The following PHKA2 variants were observed in gnomAD, a reference collection of about 807,000 sequenced individuals.
PHKA2 encodes phosphorylase b kinase regulatory subunit alpha, liver isoform.
A neutral mutation model predicts 102.0 loss-of-function variants in PHKA2; 31 were observed. The observed-to-expected ratio is 0.30, with a 90% confidence interval of 0.23 to 0.41. The LOEUF (loss-of-function observed/expected upper bound fraction) is 0.41, where lower values mean the gene tolerates loss of function less well. PHKA2 is among the 10% of genes least tolerant of loss of function. PHKA2 has a pLI of 1.00. For synonymous variants in PHKA2, 455 were observed against 416.2 expected, an observed-to-expected ratio of 1.09 and a Z score of -1.13; for missense variants, 858 against 1,023.1, an observed-to-expected ratio of 0.84 and a Z score of 2.20.
At chrX:18,895,087 C>A in intron 31 of PHKA2, 51 bp downstream of exon 31, 1 of 1,113,735 alleles carries the variant, frequency 9.0e-7, no homozygotes, top group Non-Finnish European at 1.2e-6. Flanking sequence ...GCAATGAAGC[C>A]CTTATTGTGA....
At chrX:18,917,964 C>T (rs1173239162) in intron 19 of PHKA2, among the ~76,000 whole-genome samples, 5 of 110,326 alleles carry the variant, frequency 4.5e-5, no homozygotes, top group African/African-American at 1.7e-4. Context: ...ATGTGCTCCA[C>T]CAAAACAGAA....
At chrX:18,903,040 A>G (rs1445329450) in intron 26 of PHKA2, 1 of 112,598 alleles carries the variant, frequency 8.9e-6, no homozygotes, top group African/African-American at 3.2e-5. Flanking sequence ...TTTAGTCATG[A>G]TTCTTCCAGT....
intron 31 of PHKA2, chrX:18,894,791 G>A: frequency 5.2e-6 from 2 of 381,249 alleles, no homozygotes; most frequent in Non-Finnish European, 9.3e-6. Context: ...GACGATTACT[G>A]TTTTTAGTTG....
chrX:18,924,148 G>A lies in PHKA2; in HGVS notation c.1715-14C>T, dbSNP rs374554619. Reference sequence around the variant, plus strand: ...AGCCATCATTTGCTAAGGAAAAAAAGTGATGAATTAGTTTAGTCTGGGCAG... The same window carrying A: ...AGCCATCATTTGCTAAGGAAAAAAAATGATGAATTAGTTTAGTCTGGGCAG... On this transcript the variant is annotated splice_polypyrimidine_tract_variant and intron_variant, in intron 16 of 32. Transcript: ENST00000379942. 1.1e-4 allele frequency: 132 copies of A among 1,165,167 alleles called. No individual in the cohort carries two copies. The highest frequency in any genetic ancestry group is 9.8e-5 in the Non-Finnish European group (84 of 853,883).
chrX:18,916,300 C>T (rs1483440251), intron 19 of PHKA2, among the ~76,000 whole-genome samples: 3 of 110,957 alleles, frequency 2.7e-5, no homozygotes, highest in South Asian at 3.8e-4. Context: ...CTGTAATCCC[C>T]GCTACTTGGG....
chrX:18,938,824 TTCCCATGC>T (rs755200997), intron 9 of PHKA2, 75 bp from the exon 10 acceptor site: 48 of 968,396 alleles, frequency 5.0e-5, no homozygotes, highest in Non-Finnish European at 6.5e-5. Flanking sequence ...CTCATGGGGT[TTCCCATGC>T]TTGACTGATT....
chrX:18,940,229 C>T (rs1012517824), intron 8 of PHKA2, among the ~76,000 whole-genome samples, 181 bp from the exon 9 acceptor site: 1 of 111,907 alleles, frequency 8.9e-6, no homozygotes, highest in Non-Finnish European at 1.9e-5. Flanking sequence ...CAGGTTTGAT[C>T]GGTACTTGGA....
intron 4 of PHKA2, among the ~76,000 whole-genome samples, chrX:18,949,311 T>C (rs763012673): frequency 2.7e-5 from 3 of 111,923 alleles, no homozygotes; most frequent in Non-Finnish European, 5.6e-5. Context: ...AATACAGGTA[T>C]TTTTAAAGTA....
At chrX:18,956,229 C>T (rs1240417084) in intron 1 of PHKA2, among the ~76,000 whole-genome samples, 1 of 111,591 alleles carries the variant, frequency 9.0e-6, no homozygotes, top group Non-Finnish European at 1.9e-5. Flanking sequence ...GAGGCTGAGA[C>T]AGGAGAATCA....
rs771892745 is a variant in PHKA2, at chrX:18,929,771, C to T, written c.1246-465G>A. Among the ~76,000 whole-genome samples the T allele has an allele frequency of 6.7e-3, 755 of 112,087 alleles. 11 individuals carry two copies. Among genetic ancestry groups the T allele is most frequent in the African/African-American group, 0.024 (733 of 30,817 alleles). ...TGCCTCTCTCTCTCAGTCCATTCTT[C>T]TGGAGGCGCCACAGAAACTAGAATT... On this transcript the variant is annotated intron_variant, in intron 12 of 32. Transcript: ENST00000379942.
rs374437701 is a variant in PHKA2 at position 18,952,556 on chromosome X, C to G, written c.238-15G>C. 8.3e-7 allele frequency: 1 copy of G among 1,205,071 alleles called. No homozygotes were observed. The highest frequency in any genetic ancestry group is 1.8e-5 in the African/African-American group (1 of 56,993). ...TTCACCACGTTCTGTGGAGATAAAG[C>G]AGAATCAGCAACACGGCCCAGGGTC... On this transcript the variant is annotated splice_polypyrimidine_tract_variant and intron_variant, in intron 2 of 32. Transcript: ENST00000379942.
Position 18,938,759 on chromosome X carries a change from A to C in PHKA2, c.919-10T>G. On this transcript the variant is annotated splice_polypyrimidine_tract_variant and intron_variant, in intron 9 of 32. Coordinates refer to ENST00000379942, the MANE Select transcript of PHKA2 (RefSeq NM_000292.3). ...GCAGTCGATTAGGGTCCTAGAATCA[A>C]ATAAGTCAAACTTTTAAAAGGTGAT... 3 of 1,198,543 alleles carry C rather than the reference A, an allele frequency of 2.5e-6. No homozygotes were observed.
At chrX:18,963,548 T>C (rs1022172982) in intron 1 of PHKA2, among the ~76,000 whole-genome samples, 1 of 112,126 alleles carries the variant, frequency 8.9e-6, no homozygotes, top group Non-Finnish European at 1.9e-5. Flanking sequence ...CCCCTGGACT[T>C]TTCAGTTATT....
rs1269232016 is a variant in PHKA2, at chrX:18,948,474, AAAAT to A, written c.537+266_537+269del. Among the ~76,000 whole-genome samples the A allele has an allele frequency of 1.2e-4, 14 of 112,085 alleles. No individual in the cohort carries two copies. The East Asian group carries it at 3.4e-3, about 27-fold the overall frequency. On this transcript the variant is annotated intron_variant, in intron 5 of 32. Transcript: ENST00000379942. ...GGGTGACAGAGCGAGACTCTGTTTA[AAAAT>A]AAATAAATAAACAAAATAAATAAAA... is the stretch of plus-strand genomic sequence containing the variant.
At chrX:18,930,481 C>A (rs1355317770) in intron 12 of PHKA2, among the ~76,000 whole-genome samples, 1 of 110,804 alleles carries the variant, frequency 9.0e-6, no homozygotes, top group Admixed American at 9.6e-5. Flanking sequence ...GCCTTTACAT[C>A]AGAGAGGAGA....
At chrX:18,961,326 G>A (rs1485639008) in intron 1 of PHKA2, among the ~76,000 whole-genome samples, 1 of 111,892 alleles carries the variant, frequency 8.9e-6, no homozygotes, top group East Asian at 2.8e-4. Flanking sequence ...ATATATATTT[G>A]TATTATACAT....
Position 18,940,260 on chromosome X carries a change from A to G in PHKA2, c.865-212T>C, listed in dbSNP as rs140062417. Among the ~76,000 whole-genome samples, 762 of 112,271 alleles carry G rather than the reference A, an allele frequency of 6.8e-3. 1 individual carries two copies. The highest frequency in any genetic ancestry group is 0.017 in the South Asian group (46 of 2,679). Reference sequence around the variant, plus strand: ...TTGGAAGGGAACGCCAAAACATTCCATCAGAGTATCAGGGCTGCAAGAGTT... The same window carrying G: ...TTGGAAGGGAACGCCAAAACATTCCGTCAGAGTATCAGGGCTGCAAGAGTT... On this transcript the variant is annotated intron_variant, in intron 8 of 32. Transcript: ENST00000379942.
At chrX:18,978,253 G>A (rs1226963568) in intron 1 of PHKA2, among the ~76,000 whole-genome samples, 1 of 111,379 alleles carries the variant, frequency 9.0e-6, no homozygotes, top group Non-Finnish European at 1.9e-5. Flanking sequence ...TACTAATGAG[G>A]AAGACTCTTG....
chrX:18,925,142 G>C (rs2048189597), intron 15 of PHKA2, among the ~76,000 whole-genome samples: 1 of 112,491 alleles, frequency 8.9e-6, no homozygotes, highest in Non-Finnish European at 1.9e-5. Flanking sequence ...CAGGTAAGCA[G>C]GGATTGTGCC....
Sources: allele counts gnomAD v4.1 joint callset (sites outside exome capture counted in the v4.1 genomes callset), GRCh38; gene constraint gnomAD v4.1.1; transcripts MANE v1.5; gene names NCBI Gene and HGNC (gene_info 2026-07-23, HGNC 2026-07-21).